The following MYO5B variants were observed in gnomAD, a reference collection of about 807,000 sequenced individuals.
The protein encoded by MYO5B is myosin VB, also known as unconventional myosin-Vb.
In MYO5B, 143 loss-of-function variants were observed where a neutral mutation model predicts 229.3. The observed-to-expected ratio is 0.62, with a 90% CI of 0.54 to 0.72. MYO5B has a LOEUF of 0.72. MYO5B is among the 30% of genes least tolerant of loss of function. The pLI is 0.00. For missense variants in MYO5B, 2,321 were observed against 2,331.0 expected (o/e 1.00, Z 0.09); for synonymous variants, 918 against 885.2 (o/e 1.04, Z -0.66).
At chr18:50,185,214 T>G (rs1021078689) in intron 1 of MYO5B, among the ~76,000 whole-genome samples, 1 of 151,748 alleles carries the variant, frequency 6.6e-6, no homozygotes, top group Non-Finnish European at 1.5e-5. Context: ...CTACCAAGCA[T>G]GTGAACAGAG....
chr18:49,931,203 A>G (rs889923838), intron 16 of MYO5B, among the ~76,000 whole-genome samples: 1 of 152,086 alleles, frequency 6.6e-6, no homozygotes, highest in East Asian at 1.9e-4. Context: ...TGGCACTGGA[A>G]AACAGTGGGC....
chr18:50,148,840 T>C (rs545332284), intron 1 of MYO5B, among the ~76,000 whole-genome samples: 1 of 152,308 alleles, frequency 6.6e-6, no homozygotes, highest in South Asian at 2.1e-4. Context: ...CCAGGGCAAT[T>C]AGGCAAGAGA....
intron 38 of MYO5B, 82 bp from the exon 39 acceptor site, chr18:49,835,506 G>A (rs1304475069): frequency 1.1e-6 from 1 of 874,102 alleles, no homozygotes; most frequent in Non-Finnish European, 2.0e-6. Context: ...ATGTGACATT[G>A]GTACAAGAGT....
intron 33 of MYO5B, among the ~76,000 whole-genome samples, chr18:49,844,085 C>G (rs141859421): frequency 5.3e-5 from 8 of 152,336 alleles, no homozygotes; most frequent in African/African-American, 1.9e-4. Context: ...CTGTCCCTGC[C>G]TGGGCAAGGG....
chr18:50,040,286 C>T lies in MYO5B; in HGVS notation c.167G>A (p.Arg56His), dbSNP rs138743872. Residue 56 changes from arginine to histidine, a missense_variant, in exon 3 of 40, where the codon CGC (arginine) becomes CAC (histidine). Around this residue, in one of 2 missense-constraint regions of MYO5B, gnomAD observed 2,113 missense variants for 2,044.7 expected, o/e 1.03. Coordinates refer to ENST00000285039, the MANE Select transcript of MYO5B (RefSeq NM_001080467.3). ...ATTCCGTAAGAAGGGCAGCTGGTTG[C>T]GTTGTACATCAATTGGGTATTCCAG... is the stretch of plus-strand genomic sequence containing the variant. ...TILEYPIDVQ[R>H]NQLPFLRNPD... 28 of 1,613,964 alleles carry T rather than the reference C, an allele frequency of 1.7e-5. No individual in the cohort carries two copies. The highest frequency in any genetic ancestry group is 5.0e-5 in the Admixed American group (3 of 60,006).
At chr18:49,866,540 A>G (rs1035851683) in intron 27 of MYO5B, among the ~76,000 whole-genome samples, 1 of 152,104 alleles carries the variant, frequency 6.6e-6, no homozygotes, top group African/African-American at 2.4e-5. Context: ...CCATCATTCT[A>G]CTTTCTGTCT....
intron 1 of MYO5B, among the ~76,000 whole-genome samples, chr18:50,097,950 C>A (rs2031585296): frequency 6.6e-6 from 1 of 152,320 alleles, no homozygotes; most frequent in African/African-American, 2.4e-5. Context: ...GAAACTAATG[C>A]TCTACCCTAA....
chr18:50,030,186 A>G (rs959237427), intron 4 of MYO5B, among the ~76,000 whole-genome samples: 2 of 152,190 alleles, frequency 1.3e-5, no homozygotes, highest in African/African-American at 4.8e-5. Context: ...TGCATCCCAG[A>G]GCATTCCATC....
At chr18:50,163,673 G>A (rs980718018) in intron 1 of MYO5B, among the ~76,000 whole-genome samples, 3 of 152,192 alleles carry the variant, frequency 2.0e-5, no homozygotes, top group African/African-American at 7.2e-5. Context: ...CTCTGGGCCA[G>A]AGTCTCCTAA....
rs747427142 is a variant in MYO5B, at chr18:49,902,692, C to A, written c.2713G>T (p.Ala905Ser). 6.8e-6 allele frequency: 11 copies of A among 1,612,434 alleles called. No individual in the cohort carries two copies. Among genetic ancestry groups the A allele is most frequent in the Non-Finnish European group, 9.3e-6 (11 of 1,180,044 alleles). The part of the protein sequence containing the change: ...RMLKARRELK[A>S]LRIEARSAEH... ...GCTGAGCGGGCCTCAATCCTGAGGG[C>A]CTTCAGCTCCCGCCTGGCCTTGAGC... The change falls in exon 21 of 40, where the codon GCC (alanine) becomes TCC (serine). Residue 905 changes from alanine (A) to serine (S), a missense_variant. Physicochemically the swap from Ala to Ser is moderately conservative, Grantham distance 99. Around this residue, in one of 2 missense-constraint regions of MYO5B, gnomAD observed 2,113 missense variants for 2,044.7 expected, o/e 1.03. Transcript: ENST00000285039.
chr18:49,938,743 A>T (rs1333679714), intron 14 of MYO5B, among the ~76,000 whole-genome samples: 1 of 152,162 alleles, frequency 6.6e-6, no homozygotes, highest in Admixed American at 6.5e-5. Context: ...TCTCATAGGC[A>T]CAATGCTCAC....
chr18:49,876,406 G>T (rs2024524426), intron 25 of MYO5B: 1 of 217,292 alleles, frequency 4.6e-6, no homozygotes, highest in South Asian at 7.8e-5. Flanking sequence ...CAATGCGTGG[G>T]GATAGGGGTG....
chr18:49,918,906 C>A (rs2025046183), intron 17 of MYO5B, among the ~76,000 whole-genome samples: 2 of 152,178 alleles, frequency 1.3e-5, no homozygotes, highest in African/African-American at 4.8e-5. Context: ...ACATAAGAGG[C>A]CAGAATCAGA....
At chr18:50,007,066 T>C (rs940152583) in intron 4 of MYO5B, among the ~76,000 whole-genome samples, 2 of 152,166 alleles carry the variant, frequency 1.3e-5, no homozygotes, top group Non-Finnish European at 2.9e-5. Context: ...CAGACTTGGG[T>C]GGCACCCGTG....
chr18:49,854,092 A>T (rs1244780348), intron 30 of MYO5B, among the ~76,000 whole-genome samples: 1 of 152,264 alleles, frequency 6.6e-6, no homozygotes, highest in Non-Finnish European at 1.5e-5. Flanking sequence ...TATTATTCAC[A>T]TATTTTCCCT....
intron 30 of MYO5B, among the ~76,000 whole-genome samples, chr18:49,855,939 G>C (rs115149725): frequency 6.6e-6 from 1 of 152,182 alleles, no homozygotes. Flanking sequence ...GTTGAGTCCC[G>C]GTTTCCTCTC....
chr18:49,987,863 G>C lies in MYO5B; in HGVS notation c.838+2576C>G, dbSNP rs149639753. ...CAGAGATGGGGAGGAAATAAGCTGTGAGTGGAAGGTAGAGTGCAGCTACTT... is the reference window on the plus strand; with the variant it reads ...CAGAGATGGGGAGGAAATAAGCTGTCAGTGGAAGGTAGAGTGCAGCTACTT... On this transcript the variant is annotated intron_variant, in intron 7 of 39. Coordinates refer to ENST00000285039, the MANE Select transcript of MYO5B (RefSeq NM_001080467.3). 1.1e-3 allele frequency among the ~76,000 whole-genome samples: 166 copies of C among 152,310 alleles called. 1 individual carries two copies. Among genetic ancestry groups the C allele is most frequent in the Non-Finnish European group, 1.9e-3 (130 of 68,028 alleles).
chr18:50,072,882 G>C (rs1298143708), intron 1 of MYO5B, among the ~76,000 whole-genome samples: 3 of 152,066 alleles, frequency 2.0e-5, no homozygotes, highest in African/African-American at 7.2e-5. Flanking sequence ...ACCAGAAGCA[G>C]GAGAGCAACC....
At chr18:49,995,093 C>T (rs903108884) in intron 5 of MYO5B, among the ~76,000 whole-genome samples, 4 of 152,106 alleles carry the variant, frequency 2.6e-5, no homozygotes, top group Non-Finnish European at 5.9e-5. Context: ...CCAAAGTCTG[C>T]GTTCATTCTA....
Sources: gnomAD v4.1 joint callset for allele counts (sites outside exome capture counted in the v4.1 genomes callset) on GRCh38, gnomAD v4.1.1 for gene constraint, gnomAD v4.1.1 regional missense constraint, MANE v1.5 for transcripts, NCBI Gene and HGNC (gene_info 2026-07-23, HGNC 2026-07-21) for gene names.